Variants in KLHL3 observed in about 807,000 individuals in gnomAD.
The protein encoded by KLHL3 is kelch like family member 3.
A neutral mutation model predicts 70.5 loss-of-function variants in KLHL3; 19 were observed. The ratio of observed to expected loss-of-function variants is 0.27; its 90% CI spans 0.19 to 0.40. The LOEUF is 0.40. KLHL3 is among the 10% of genes least tolerant of loss of function. KLHL3 has a pLI of 1.00. For missense variants in KLHL3, 512 were observed against 771.1 expected, an observed-to-expected ratio of 0.66 and a Z score of 3.98; for synonymous variants, 258 against 290.3, an observed-to-expected ratio of 0.89 and a Z score of 1.13.
chr5:137,624,922 G>A (rs529521064), intron 14 of KLHL3, among the ~76,000 whole-genome samples: 20 of 152,112 alleles, frequency 1.3e-4, no homozygotes, highest in South Asian at 4.2e-4. Context: ...TTCCACACCC[G>A]CCTGGTGCCT....
intron 13 of KLHL3, 69 bp downstream of exon 13, chr5:137,628,228 T>C: frequency 6.4e-7 from 1 of 1,569,484 alleles, no homozygotes; most frequent in Non-Finnish European, 8.7e-7. Context: ...CCCTGCTGTT[T>C]AGAGCCAGTG....
intron 1 of KLHL3, among the ~76,000 whole-genome samples, chr5:137,721,641 C>T (rs2149935776): frequency 6.6e-6 from 1 of 152,292 alleles, no homozygotes; most frequent in South Asian, 2.1e-4. Context: ...TCAATGCCTT[C>T]TGTACTGAAA....
At chr5:137,726,342 T>G (rs1177171773) in intron 1 of KLHL3, among the ~76,000 whole-genome samples, 1 of 152,194 alleles carries the variant, frequency 6.6e-6, no homozygotes, top group Non-Finnish European at 1.5e-5. Context: ...GGACTGAACC[T>G]AAATGCCAGC....
Position 137,684,484 on chromosome 5 carries a change from T to C in KLHL3, c.527-6830A>G, listed in dbSNP as rs188031381. On this transcript the variant is annotated intron_variant, in intron 5 of 14. Transcript: ENST00000309755. Reference sequence around the variant, plus strand: ...ATCAATCAAAAAAAGGCCATTTCTCTCCATAAGCACGTGAAATCCAATGGC... The same window carrying C: ...ATCAATCAAAAAAAGGCCATTTCTCCCCATAAGCACGTGAAATCCAATGGC... 1.9e-3 allele frequency among the ~76,000 whole-genome samples: 297 copies of C among 152,340 alleles called. 1 individual carries two copies. Among genetic ancestry groups the C allele is most frequent in the African/African-American group, 7.1e-3 (294 of 41,576 alleles).
At chr5:137,727,226 CCTCT>C (rs148720291) in intron 1 of KLHL3, among the ~76,000 whole-genome samples, 6 of 150,384 alleles carry the variant, frequency 4.0e-5, no homozygotes, top group Non-Finnish European at 5.9e-5. Flanking sequence ...TATCTTCCTC[CCTCT>C]CTCTCTCTCT....
intron 6 of KLHL3, among the ~76,000 whole-genome samples, chr5:137,675,939 T>A (rs1001455254): frequency 1.3e-5 from 2 of 152,222 alleles, no homozygotes; most frequent in Non-Finnish European, 2.9e-5. Flanking sequence ...GCCAATCAAC[T>A]GACTGGTTCA....
At chr5:137,628,716 CACACACAGACAG>C (rs150533760) in intron 12 of KLHL3, 6,789 of 152,550 alleles carry the variant, frequency 0.045, 414 homozygotes, top group East Asian at 0.12. Context: ...TATATATACA[CACACACAGACAG>C]ACAGACATAC....
chr5:137,705,764 T>A (rs1169757741), intron 3 of KLHL3, among the ~76,000 whole-genome samples: 1 of 152,130 alleles, frequency 6.6e-6, no homozygotes, highest in East Asian at 1.9e-4. Context: ...GTACAAATAC[T>A]ACAGTATACA....
intron 6 of KLHL3, among the ~76,000 whole-genome samples, chr5:137,673,091 C>T (rs1484781917): frequency 6.6e-6 from 1 of 152,140 alleles, no homozygotes; most frequent in African/African-American, 2.4e-5. Context: ...GAATCAAGAA[C>T]CTGGAGATTC....
intron 12 of KLHL3, 56 bp downstream of exon 12, chr5:137,633,981 A>G: frequency 6.2e-7 from 1 of 1,610,574 alleles, no homozygotes. Context: ...AAAAAAATTT[A>G]AGGACCCACT....
intron 12 of KLHL3, chr5:137,628,720 C>G (rs202025096): frequency 0.016 from 2,541 of 155,508 alleles, 40 homozygotes; most frequent in Non-Finnish European, 0.023. Context: ...TATACACACA[C>G]ACAGACAGAC....
intron 7 of KLHL3, among the ~76,000 whole-genome samples, chr5:137,658,723 G>A (rs1003220164): frequency 2.0e-5 from 3 of 152,142 alleles, no homozygotes; most frequent in Non-Finnish European, 4.4e-5. Flanking sequence ...AGGAAAGGGT[G>A]TGGGAGCCAT....
intron 12 of KLHL3, chr5:137,628,697 AT>A (rs369357757): frequency 0.22 from 57,188 of 254,852 alleles, 7,471 homozygotes; most frequent in East Asian, 0.44. Context: ...ACATTAAAAA[AT>A]ATATATATAT....
chr5:137,727,154 T>G (rs1031064712), intron 1 of KLHL3, among the ~76,000 whole-genome samples: 1 of 152,088 alleles, frequency 6.6e-6, no homozygotes, highest in East Asian at 1.9e-4. Flanking sequence ...ATTCTCTATC[T>G]CAGAGGCATA....
At position 137,703,016 on chromosome 5, in the gene KLHL3, A is replaced by T. The variant is rs185242299; in HGVS notation, c.242-4608T>A. Among the ~76,000 whole-genome samples the T allele has an allele frequency of 4.6e-5, 7 of 152,290 alleles. No homozygotes were observed. The East Asian group carries it at 1.3e-3, about 29-fold the overall frequency. On this transcript the variant is annotated intron_variant, in intron 3 of 14. Coordinates refer to ENST00000309755, the MANE Select transcript of KLHL3 (RefSeq NM_017415.3). ...GGAAAATCTTTCATTATCACAGAAG[A>T]CTCAAGATGTCCAGAAAAATCACTA...
intron 2 of KLHL3, among the ~76,000 whole-genome samples, chr5:137,715,487 T>C (rs1015365612): frequency 2.6e-5 from 4 of 152,178 alleles, no homozygotes; most frequent in Non-Finnish European, 4.4e-5. Flanking sequence ...CCTTCCTCCC[T>C]GCCTCCCCTT....
intron 1 of KLHL3, among the ~76,000 whole-genome samples, chr5:137,726,811 C>G (rs774479796): frequency 1.8e-4 from 28 of 152,036 alleles, no homozygotes; most frequent in Non-Finnish European, 4.0e-4. Context: ...TCTTTACAAG[C>G]GTTAGATGGT....
intron 5 of KLHL3, among the ~76,000 whole-genome samples, chr5:137,683,371 T>C (rs1164632311): frequency 6.6e-6 from 1 of 152,162 alleles, no homozygotes; most frequent in Non-Finnish European, 1.5e-5. Context: ...CAGGAGACAC[T>C]GGCTGACACA....
intron 6 of KLHL3, among the ~76,000 whole-genome samples, chr5:137,663,657 G>T (rs752008745): frequency 3.9e-5 from 6 of 152,024 alleles, no homozygotes; most frequent in Non-Finnish European, 7.4e-5. Context: ...TTTGCTTTTC[G>T]CAACTTTATG....
Sources: gnomAD v4.1 joint callset for allele counts (sites outside exome capture counted in the v4.1 genomes callset) on GRCh38, gnomAD v4.1.1 for gene constraint, MANE v1.5 for transcripts, NCBI Gene and HGNC (gene_info 2026-07-23, HGNC 2026-07-21) for gene names.